Variants in PTPRD observed in about 807,000 individuals in gnomAD.
PTPRD encodes receptor-type tyrosine-protein phosphatase delta.
In PTPRD, 34 loss-of-function variants were observed where a neutral mutation model predicts 214.5. That is an observed-to-expected ratio of 0.16 (90% CI 0.12 to 0.21). The LOEUF is 0.21. Among genes scored for constraint, PTPRD ranks in the 10% least tolerant of loss-of-function variants. The pLI is 1.00. For missense variants in PTPRD, 2,545 were observed against 2,398.7 expected, an observed-to-expected ratio of 1.06 and a Z score of -1.27; for synonymous variants, 1,128 against 845.7, an observed-to-expected ratio of 1.33 and a Z score of -5.79.
At chr9:8,857,932 C>G (rs534175733) in intron 11 of PTPRD, among the ~76,000 whole-genome samples, 1 of 141,852 alleles carries the variant, frequency 7.0e-6, no homozygotes, top group Non-Finnish European at 1.5e-5. Flanking sequence ...TCCACCCCTA[C>G]CCCCTTTTCC....
chr9:9,047,998 A>C (rs2099676425), intron 10 of PTPRD, among the ~76,000 whole-genome samples: 1 of 152,228 alleles, frequency 6.6e-6, no homozygotes, highest in African/African-American at 2.4e-5. Context: ...AAATATTTGA[A>C]TAGACATTTC....
chr9:9,182,929 C>T (rs958962220), intron 10 of PTPRD, among the ~76,000 whole-genome samples: 2 of 151,882 alleles, frequency 1.3e-5, no homozygotes, highest in Non-Finnish European at 2.9e-5. Flanking sequence ...CCACCGAGGG[C>T]TAATAATTTC....
chr9:8,637,931 G>GCA (rs149734682), intron 12 of PTPRD, among the ~76,000 whole-genome samples: 22 of 152,026 alleles, frequency 1.4e-4, no homozygotes, highest in Admixed American at 5.2e-4. Flanking sequence ...AATGAAAAAT[G>GCA]CACACACACA....
intron 14 of PTPRD, among the ~76,000 whole-genome samples, chr9:8,587,417 C>T (rs2093749308): frequency 6.6e-6 from 1 of 152,154 alleles, no homozygotes; most frequent in African/African-American, 2.4e-5. Context: ...TTTCACTGAC[C>T]TTTTCCTAAT....
chr9:8,782,373 T>C (rs985864494), intron 11 of PTPRD, among the ~76,000 whole-genome samples: 1 of 152,142 alleles, frequency 6.6e-6, no homozygotes, highest in Non-Finnish European at 1.5e-5. Context: ...TCTACTCTTT[T>C]AGCAATTTTC....
chr9:8,730,597 T>C (rs1042539109), intron 12 of PTPRD, among the ~76,000 whole-genome samples: 2 of 152,258 alleles, frequency 1.3e-5, no homozygotes, highest in Non-Finnish European at 2.9e-5. Flanking sequence ...AGTAGGTTCT[T>C]GGTCTGCATT....
intron 5 of PTPRD, among the ~76,000 whole-genome samples, chr9:9,842,084 G>A (rs760473131): frequency 2.0e-5 from 3 of 151,622 alleles, no homozygotes; most frequent in Non-Finnish European, 4.4e-5. Context: ...GGATATTTTT[G>A]GATGTATATA....
At chr9:8,835,948 T>C (rs555339642) in intron 11 of PTPRD, among the ~76,000 whole-genome samples, 1 of 152,336 alleles carries the variant, frequency 6.6e-6, no homozygotes, top group African/African-American at 2.4e-5. Flanking sequence ...AGTAACTTTA[T>C]ATTTGGATGG....
chr9:9,047,139 TA>T (rs953327727), intron 10 of PTPRD, among the ~76,000 whole-genome samples: 2 of 151,690 alleles, frequency 1.3e-5, no homozygotes, highest in African/African-American at 2.4e-5. Context: ...GAAAAAGAAA[TA>T]AAAAAATACT....
chr9:9,232,305 T>C (rs2133892041), intron 9 of PTPRD, among the ~76,000 whole-genome samples: 1 of 152,300 alleles, frequency 6.6e-6, no homozygotes, highest in African/African-American at 2.4e-5. Flanking sequence ...TTACATGCTG[T>C]GAGAACTATT....
intron 9 of PTPRD, among the ~76,000 whole-genome samples, chr9:9,239,286 C>T (rs927027020): frequency 1.3e-5 from 2 of 151,374 alleles, no homozygotes; most frequent in African/African-American, 2.4e-5. Context: ...TGAGATAATC[C>T]TTGGTAAATA....
At chr9:9,245,831 T>C (rs962981509) in intron 9 of PTPRD, among the ~76,000 whole-genome samples, 1 of 152,098 alleles carries the variant, frequency 6.6e-6, no homozygotes, top group African/African-American at 2.4e-5. Flanking sequence ...TGAATGTTTT[T>C]GGGAACCTTG....
intron 10 of PTPRD, among the ~76,000 whole-genome samples, chr9:9,044,319 T>C (rs889778815): frequency 6.6e-6 from 1 of 152,222 alleles, no homozygotes; most frequent in African/African-American, 2.4e-5. Flanking sequence ...AGAACACATA[T>C]ACACATATTT....
At chr9:9,542,122 C>T (rs1349432318) in intron 8 of PTPRD, among the ~76,000 whole-genome samples, 3 of 151,460 alleles carry the variant, frequency 2.0e-5, no homozygotes, top group African/African-American at 7.3e-5. Context: ...AAAGGAGATA[C>T]TTACAGAAAA....
At chr9:8,335,541 G>A (rs901548976) in intron 43 of PTPRD, among the ~76,000 whole-genome samples, 7 of 152,170 alleles carry the variant, frequency 4.6e-5, no homozygotes, top group African/African-American at 1.7e-4. Flanking sequence ...CTGTCATAAC[G>A]AATGGGCAAA....
chr9:9,767,946 G>C (rs996689776), intron 5 of PTPRD, among the ~76,000 whole-genome samples: 11 of 152,108 alleles, frequency 7.2e-5, no homozygotes, highest in Non-Finnish European at 1.3e-4. Flanking sequence ...AGGAAATCAG[G>C]TTACTGTGTG....
chr9:9,473,816 C>CTT (rs71319224), intron 8 of PTPRD, among the ~76,000 whole-genome samples: 3,295 of 143,802 alleles, frequency 0.023, 92 homozygotes, highest in African/African-American at 0.066. Context: ...GTTTTAAAAT[C>CTT]TTTTTTTTTT....
intron 5 of PTPRD, among the ~76,000 whole-genome samples, chr9:9,930,266 A>G (rs1268242591): frequency 6.6e-6 from 1 of 152,168 alleles, no homozygotes; most frequent in African/African-American, 2.4e-5. Context: ...AGAGTCACAG[A>G]ATTGGGAATA....
At chr9:8,659,417 T>C (rs2096984459) in intron 12 of PTPRD, among the ~76,000 whole-genome samples, 1 of 152,236 alleles carries the variant, frequency 6.6e-6, no homozygotes, top group Admixed American at 6.5e-5. Context: ...GTCCTCCAGA[T>C]TCCAACCTGT....
Sources: allele counts gnomAD v4.1 joint callset (sites outside exome capture counted in the v4.1 genomes callset), GRCh38; gene constraint gnomAD v4.1.1; transcripts MANE v1.5; gene names NCBI Gene and HGNC (gene_info 2026-07-23, HGNC 2026-07-21).